Variants in TXNDC8 observed in about 807,000 individuals in gnomAD.
TXNDC8 encodes thioredoxin domain containing 8, also known as thioredoxin domain-containing protein 8.
TXNDC8 carries 15 observed loss-of-function variants against 12.9 expected under a neutral mutation model. That is an observed-to-expected ratio of 1.16 (90% CI 0.78 to 1.79). The LOEUF is 1.79. TXNDC8 is among the 40% of genes most tolerant of loss of function. TXNDC8 has a pLI of 0.00. For missense variants in TXNDC8, 128 were observed against 113.2 expected, an observed-to-expected ratio of 1.13 and a Z score of -0.59; for synonymous variants, 40 against 35.4, an observed-to-expected ratio of 1.13 and a Z score of -0.46.
chr9:110,305,055 C>T (rs1564092360), intron 3 of TXNDC8, among the ~76,000 whole-genome samples: 1 of 143,568 alleles, frequency 7.0e-6, no homozygotes, highest in Non-Finnish European at 1.5e-5. Flanking sequence ...GGCGGAGGCA[C>T]GAGAATCACT....
At chr9:110,309,970 C>A (rs1838603050) in intron 3 of TXNDC8, among the ~76,000 whole-genome samples, 1 of 142,492 alleles carries the variant, frequency 7.0e-6, no homozygotes, top group Admixed American at 7.0e-5. Context: ...AATCTCAGTT[C>A]CTTTTATTAA....
intron 3 of TXNDC8, among the ~76,000 whole-genome samples, chr9:110,305,198 A>ATTGTTT (rs1364684278): frequency 6.6e-5 from 10 of 151,188 alleles, no homozygotes; most frequent in Admixed American, 5.9e-4. Context: ...TTCAAATGTA[A>ATTGTTT]TTGTTTTTAA....
intron 2 of TXNDC8, 81 bp downstream of exon 3, chr9:110,329,151 T>C: frequency 8.4e-7 from 1 of 1,196,184 alleles, no homozygotes. Context: ...TGGTCATGTA[T>C]TAATAATTAC....
chr9:110,332,056 C>T (rs568821388), intron 2 of TXNDC8, among the ~76,000 whole-genome samples: 40 of 152,130 alleles, frequency 2.6e-4, no homozygotes, highest in South Asian at 1.0e-3. Flanking sequence ...CTGGTTATGG[C>T]GAAGTTAGAA....
At chr9:110,314,599 A>AT (rs1236512250) in intron 3 of TXNDC8, among the ~76,000 whole-genome samples, 5 of 151,484 alleles carry the variant, frequency 3.3e-5, no homozygotes, top group South Asian at 4.2e-4. Flanking sequence ...CGTCCGGCTA[A>AT]TTTTTTGTAT....
At chr9:110,317,410 A>G (rs1049572661) in intron 3 of TXNDC8, among the ~76,000 whole-genome samples, 1 of 152,190 alleles carries the variant, frequency 6.6e-6, no homozygotes, top group Non-Finnish European at 1.5e-5. Context: ...ACACAAAGGA[A>G]TGAACTTGTG....
chr9:110,307,258 G>A (rs1838504858), intron 3 of TXNDC8, among the ~76,000 whole-genome samples: 1 of 152,008 alleles, frequency 6.6e-6, no homozygotes, highest in Non-Finnish European at 1.5e-5. Flanking sequence ...TGGCTTTATA[G>A]TTTTAGTATC....
At chr9:110,311,787 T>A (rs1045264196) in intron 3 of TXNDC8, among the ~76,000 whole-genome samples, 2 of 144,694 alleles carry the variant, frequency 1.4e-5, no homozygotes, top group Admixed American at 1.4e-4. Flanking sequence ...TATATATGGA[T>A]ATACTATATA....
At chr9:110,305,801 TCTTTTCTTTCCTTTC>T (rs775261093) in intron 3 of TXNDC8, among the ~76,000 whole-genome samples, 4,504 of 139,754 alleles carry the variant, frequency 0.032, 282 homozygotes, top group African/African-American at 0.12. Context: ...TCTTTTCTTT[TCTTTTCTTTCCTTTC>T]CTTTCCTTTC....
chr9:110,321,701 G>A (rs1839100548), intron 3 of TXNDC8, among the ~76,000 whole-genome samples: 1 of 146,906 alleles, frequency 6.8e-6, no homozygotes, highest in Non-Finnish European at 1.5e-5. Context: ...GATGTTCACG[G>A]ACACCTTCCT....
intron 2 of TXNDC8, among the ~76,000 whole-genome samples, chr9:110,328,045 T>C (rs1218352798): frequency 6.6e-6 from 1 of 152,234 alleles, no homozygotes; most frequent in Non-Finnish European, 1.5e-5. Flanking sequence ...CTGGGCACCA[T>C]GTCATTTATT....
At chr9:110,311,521 GTA>G (rs66474968) in intron 3 of TXNDC8, among the ~76,000 whole-genome samples, 2,154 of 41,142 alleles carry the variant, frequency 0.052, 56 homozygotes, top group Non-Finnish European at 0.087. Context: ...AAATAAAGAG[GTA>G]TATATATATA....
intron 3 of TXNDC8, among the ~76,000 whole-genome samples, chr9:110,321,606 C>A (rs539860597): frequency 6.6e-6 from 1 of 151,920 alleles, no homozygotes; most frequent in African/African-American, 2.4e-5. Context: ...GTTGCGCTGT[C>A]CCAGATAAAA....
chr9:110,305,313 A>G (rs1178649640), intron 3 of TXNDC8, among the ~76,000 whole-genome samples: 1 of 152,162 alleles, frequency 6.6e-6, no homozygotes, highest in Non-Finnish European at 1.5e-5. Flanking sequence ...GAGTGTCACT[A>G]CAGTCATTTT....
chr9:110,310,518 T>C (rs10046864), intron 3 of TXNDC8, among the ~76,000 whole-genome samples: 52,363 of 151,946 alleles, frequency 0.34, 9,399 homozygotes, highest in African/African-American at 0.45. Flanking sequence ...CCTAATACAT[T>C]TATGTATTTA....
downstream of TXNDC8, among the ~76,000 whole-genome samples, chr9:110,302,664 A>G (rs2118666419): frequency 6.6e-6 from 1 of 151,962 alleles, no homozygotes; most frequent in Non-Finnish European, 1.5e-5. Context: ...AGGCAGTAAA[A>G]GGACTTTCTG....
At chr9:110,335,847 G>A (rs547328590) in intron 1 of TXNDC8, among the ~76,000 whole-genome samples, 1 of 152,294 alleles carries the variant, frequency 6.6e-6, no homozygotes. Flanking sequence ...TCCCACTATG[G>A]ATGGGTTTAA....
chr9:110,317,605 T>C lies in TXNDC8; in HGVS notation c.195+8570A>G, dbSNP rs184042106. Among the ~76,000 whole-genome samples the C allele has an allele frequency of 3.4e-3, 516 of 152,336 alleles. 1 individual carries two copies. Among genetic ancestry groups the C allele is most frequent in the Middle Eastern group, 3.4e-3 (1 of 294 alleles). On this transcript the variant is annotated intron_variant, in intron 3 of 4. Coordinates refer to ENST00000423740, the MANE Select transcript of TXNDC8 (RefSeq NM_001286946.2). ...GCAAAGCAACAATACCTCTTTTACC[T>C]GCACAGGTAAGTTTCTTCTTTGCAG...
In TXNDC8 at chr9:110,328,352, T is replaced by G. The variant is rs543224360; in HGVS notation, c.130-2112A>C. On this transcript the variant is annotated intron_variant, in intron 2 of 4. Transcript: ENST00000423740. ...TGAGGTTATGGGGTTGATTATTTTT[T>G]GGGGGGATGGGATGAGGAAGGATGG... 4.9e-4 allele frequency among the ~76,000 whole-genome samples: 75 copies of G among 152,250 alleles called. 1 individual carries two copies. Among genetic ancestry groups the G allele is most frequent in the Non-Finnish European group, 9.7e-4 (66 of 68,012 alleles).
Sources: gnomAD v4.1 joint callset for allele counts (sites outside exome capture counted in the v4.1 genomes callset) on GRCh38, gnomAD v4.1.1 for gene constraint, MANE v1.5 for transcripts, NCBI Gene and HGNC (gene_info 2026-07-23, HGNC 2026-07-21) for gene names.